Variants in AGBL4 observed in about 807,000 individuals in gnomAD.
AGBL4 encodes the protein AGBL carboxypeptidase 4.
AGBL4 carries 58 observed loss-of-function variants against 66.4 expected under a neutral mutation model. The ratio of observed to expected loss-of-function variants is 0.87; its 90% CI spans 0.71 to 1.09. The LOEUF (loss-of-function observed/expected upper bound fraction) is 1.09. Among genes scored for constraint, AGBL4 ranks in the 50% least tolerant of loss-of-function variants. The pLI is 0.00. For synonymous variants in AGBL4, 234 were observed against 222.9 expected (o/e 1.05, Z -0.44); for missense variants, 579 against 631.0 (o/e 0.92, Z 0.88).
At chr1:49,284,607 T>G (rs1426069647) in intron 3 of AGBL4, among the ~76,000 whole-genome samples, 1 of 152,220 alleles carries the variant, frequency 6.6e-6, no homozygotes, top group Non-Finnish European at 1.5e-5. Context: ...GATCCATCAG[T>G]GTGCTGTATT....
intron 4 of AGBL4, among the ~76,000 whole-genome samples, chr1:49,086,594 A>C (rs1387047060): frequency 6.6e-6 from 1 of 151,946 alleles, no homozygotes; most frequent in Non-Finnish European, 1.5e-5. Context: ...CTTCCACCCA[A>C]GCAGTCCTAC....
At chr1:49,719,393 G>A (rs954494927) in intron 2 of AGBL4, among the ~76,000 whole-genome samples, 4 of 152,038 alleles carry the variant, frequency 2.6e-5, no homozygotes, top group Non-Finnish European at 5.9e-5. Flanking sequence ...TTAGAGCCCT[G>A]GATAAGGCAA....
chr1:49,998,272 G>A (rs1660504222), intron 1 of AGBL4, among the ~76,000 whole-genome samples: 1 of 152,012 alleles, frequency 6.6e-6, no homozygotes, highest in African/African-American at 2.4e-5. Flanking sequence ...TGATACCACA[G>A]AAATACAAAA....
chr1:49,915,785 T>A (rs1386794564), intron 1 of AGBL4, among the ~76,000 whole-genome samples: 1 of 152,076 alleles, frequency 6.6e-6, no homozygotes. Flanking sequence ...ACAGGCTGCC[T>A]CCTCAAGTGG....
chr1:49,720,801 T>A (rs1295367655), intron 2 of AGBL4, among the ~76,000 whole-genome samples: 3 of 152,258 alleles, frequency 2.0e-5, no homozygotes, highest in Middle Eastern at 3.4e-3. Flanking sequence ...TAAAAAGTGT[T>A]ATAGGGACAT....
chr1:49,833,820 T>C (rs942087971), intron 2 of AGBL4, among the ~76,000 whole-genome samples: 7 of 152,124 alleles, frequency 4.6e-5, no homozygotes, highest in African/African-American at 1.7e-4. Context: ...ATAAGAATGC[T>C]TGTGATTTTT....
intron 6 of AGBL4, among the ~76,000 whole-genome samples, chr1:48,700,771 AG>A (rs1394476454): frequency 6.6e-6 from 1 of 152,166 alleles, no homozygotes; most frequent in Non-Finnish European, 1.5e-5. Flanking sequence ...TCCCCAGAAA[AG>A]TCAGCAAGTC....
chr1:48,970,902 G>A (rs182150041), intron 5 of AGBL4, among the ~76,000 whole-genome samples: 1 of 152,012 alleles, frequency 6.6e-6, no homozygotes, highest in Non-Finnish European at 1.5e-5. Flanking sequence ...GTGTACAGAG[G>A]TTCTATGATT....
chr1:48,957,515 T>C lies in AGBL4; in HGVS notation c.594+88069A>G, dbSNP rs143818020. ...AAGCATCTTTGGCTCTACTAGGTCATGCTACATTACTTTACAAAGTGATTG... is the reference window on the plus strand; with the variant it reads ...AAGCATCTTTGGCTCTACTAGGTCACGCTACATTACTTTACAAAGTGATTG... On this transcript the variant is annotated intron_variant, in intron 5 of 13. Transcript: ENST00000371839. Among the ~76,000 whole-genome samples, 856 of 152,318 alleles carry C rather than the reference T, an allele frequency of 5.6e-3. 12 individuals are homozygous for C. The highest frequency in any genetic ancestry group is 0.015 in the African/African-American group (628 of 41,556).
intron 4 of AGBL4, chr1:49,187,147 GC>G (rs2148198451): frequency 6.6e-6 from 1 of 152,242 alleles, no homozygotes; most frequent in African/African-American, 2.4e-5. Context: ...AGACACAGCA[GC>G]CTTTTTGGGG....
At chr1:49,443,985 G>T (rs186795891) in intron 3 of AGBL4, among the ~76,000 whole-genome samples, 2 of 151,762 alleles carry the variant, frequency 1.3e-5, no homozygotes, top group East Asian at 3.9e-4. Context: ...TTTGTTTCAA[G>T]AAATTTTTTT....
At chr1:49,630,759 G>A (rs1645554787) in intron 3 of AGBL4, among the ~76,000 whole-genome samples, 1 of 152,150 alleles carries the variant, frequency 6.6e-6, no homozygotes, top group African/African-American at 2.4e-5. Flanking sequence ...CTTTTGAAGA[G>A]CTACTCCAGT....
chr1:48,938,829 C>T (rs1317709677), intron 5 of AGBL4, among the ~76,000 whole-genome samples: 1 of 152,148 alleles, frequency 6.6e-6, no homozygotes. Context: ...CTTTTGTTTT[C>T]CCCCAATATT....
At chr1:49,802,719 G>A (rs1334732673) in intron 2 of AGBL4, among the ~76,000 whole-genome samples, 3 of 152,022 alleles carry the variant, frequency 2.0e-5, no homozygotes, top group East Asian at 3.9e-4. Flanking sequence ...TTGGCACCAC[G>A]GGACCAGAAG....
chr1:48,777,931 T>A (rs1188519321), intron 6 of AGBL4, among the ~76,000 whole-genome samples: 2 of 151,968 alleles, frequency 1.3e-5, no homozygotes, highest in African/African-American at 2.4e-5. Flanking sequence ...TTGGGTCCCC[T>A]CCAAGACAAG....
intron 3 of AGBL4, among the ~76,000 whole-genome samples, chr1:49,566,647 G>C (rs1314420545): frequency 2.0e-5 from 3 of 152,162 alleles, no homozygotes; most frequent in South Asian, 4.1e-4. Flanking sequence ...CTGCCTGATC[G>C]TTCCTCTGGA....
intron 5 of AGBL4, among the ~76,000 whole-genome samples, chr1:48,875,574 T>C (rs1378812573): frequency 6.6e-6 from 1 of 152,172 alleles, no homozygotes; most frequent in East Asian, 1.9e-4. Flanking sequence ...TGTAACTCTC[T>C]TTTATTGGAA....
At chr1:48,787,416 G>A (rs1645434981) in intron 6 of AGBL4, among the ~76,000 whole-genome samples, 1 of 152,046 alleles carries the variant, frequency 6.6e-6, no homozygotes, top group Non-Finnish European at 1.5e-5. Context: ...TGGTGGGTGG[G>A]AATGTACTAG....
intron 1 of AGBL4, among the ~76,000 whole-genome samples, chr1:49,998,041 G>A (rs1660490702): frequency 6.6e-6 from 1 of 151,650 alleles, no homozygotes. Context: ...CACAGAACTA[G>A]AGAAACAAGA....
Sources: gnomAD v4.1 joint callset for allele counts (sites outside exome capture counted in the v4.1 genomes callset) on GRCh38, gnomAD v4.1.1 for gene constraint, MANE v1.5 for transcripts, NCBI Gene and HGNC (gene_info 2026-07-23, HGNC 2026-07-21) for gene names.